The following SLC8A1 variants were observed in gnomAD, a reference collection of about 807,000 sequenced individuals.
The protein encoded by SLC8A1 is solute carrier family 8 member A1.
In SLC8A1, 18 loss-of-function variants were observed where a neutral mutation model predicts 68.3. The ratio of observed to expected loss-of-function variants is 0.26; its 90% CI spans 0.18 to 0.39. The LOEUF (loss-of-function observed/expected upper bound fraction) is 0.39. Among genes scored for constraint, SLC8A1 ranks in the 10% least tolerant of loss-of-function variants. The pLI, the probability that SLC8A1 is intolerant of heterozygous loss-of-function variation, is 1.00. For missense variants in SLC8A1, 985 were observed against 1,156.7 expected, an observed-to-expected ratio of 0.85 and a Z score of 2.15; for synonymous variants, 475 against 415.5, an observed-to-expected ratio of 1.14 and a Z score of -1.74.
intron 2 of SLC8A1, among the ~76,000 whole-genome samples, chr2:40,396,717 C>T (rs1281137664): frequency 7.7e-6 from 1 of 130,550 alleles, no homozygotes; most frequent in Non-Finnish European, 1.5e-5. Context: ...TGTTAAGCAG[C>T]ATCCTTTTAA....
intron 7 of SLC8A1, among the ~76,000 whole-genome samples, chr2:40,126,768 T>C (rs2148161856): frequency 6.6e-6 from 1 of 152,282 alleles, no homozygotes; most frequent in South Asian, 2.1e-4. Flanking sequence ...TTTAATTTTC[T>C]TCTCAGCAGT....
chr2:40,500,026 A>C (rs939613045), intron 1 of SLC8A1, among the ~76,000 whole-genome samples: 1 of 152,120 alleles, frequency 6.6e-6, no homozygotes, highest in Non-Finnish European at 1.5e-5. Context: ...TAGCAGCTAC[A>C]TTAGTGTGTT....
chr2:40,212,895 C>T (rs1321200566), intron 2 of SLC8A1, among the ~76,000 whole-genome samples: 1 of 151,992 alleles, frequency 6.6e-6, no homozygotes, highest in East Asian at 1.9e-4. Context: ...TTTAGGGCAA[C>T]AAAGCATGTG....
intron 6 of SLC8A1, among the ~76,000 whole-genome samples, chr2:40,144,814 A>G (rs1226489194): frequency 6.6e-6 from 1 of 152,172 alleles, no homozygotes; most frequent in African/African-American, 2.4e-5. Context: ...AAATTTTATC[A>G]TATGCATTTG....
At chr2:40,500,060 G>A (rs1220791946) in intron 1 of SLC8A1, among the ~76,000 whole-genome samples, 3 of 151,954 alleles carry the variant, frequency 2.0e-5, no homozygotes, top group Non-Finnish European at 4.4e-5. Flanking sequence ...TGTGGTTTGT[G>A]TACACATGTA....
In SLC8A1 at chr2:40,243,629, C is replaced by T. The variant is rs1049876758; in HGVS notation, c.1809-65774G>A. Among the ~76,000 whole-genome samples the T allele has an allele frequency of 3.9e-5, 6 of 152,190 alleles. No individual in the cohort carries two copies. The East Asian group carries it at 1.2e-3, about 29-fold the overall frequency. ...CAAATGGAGCCTATGGCCCTGTAAC[C>T]TGGCTCTGGGAAAATGAACAAAGGA... On this transcript the variant is annotated intron_variant, in intron 2 of 7. Transcript: ENST00000406785.
At chr2:40,494,324 G>T (rs1183294816) in intron 1 of SLC8A1, among the ~76,000 whole-genome samples, 2 of 152,064 alleles carry the variant, frequency 1.3e-5, no homozygotes, top group Admixed American at 6.5e-5. Flanking sequence ...ATGAGAGATT[G>T]CTCTTGAGAT....
intron 2 of SLC8A1, among the ~76,000 whole-genome samples, chr2:40,294,817 T>C (rs189962417): frequency 6.6e-6 from 1 of 152,340 alleles, no homozygotes; most frequent in African/African-American, 2.4e-5. Flanking sequence ...TTACTGTTCA[T>C]AATTTTGTTT....
chr2:40,352,810 C>T (rs924072529), intron 2 of SLC8A1, among the ~76,000 whole-genome samples: 19 of 152,250 alleles, frequency 1.2e-4, no homozygotes, highest in Admixed American at 9.8e-4. Context: ...CAGGATTCCA[C>T]GTTACTAAGG....
chr2:40,237,856 A>G (rs2060614182), intron 2 of SLC8A1, among the ~76,000 whole-genome samples: 1 of 152,002 alleles, frequency 6.6e-6, no homozygotes, highest in Non-Finnish European at 1.5e-5. Context: ...CTGTTGGAAT[A>G]CCCTGCCATG....
chr2:40,366,505 T>C (rs1443875808), intron 2 of SLC8A1, among the ~76,000 whole-genome samples: 2 of 152,052 alleles, frequency 1.3e-5, no homozygotes, highest in East Asian at 3.9e-4. Flanking sequence ...AGGTGTGAAA[T>C]AAATGCTAAT....
intron 2 of SLC8A1, among the ~76,000 whole-genome samples, chr2:40,347,129 A>G (rs11890040): frequency 0.13 from 19,231 of 152,186 alleles, 1,387 homozygotes; most frequent in East Asian, 0.19. Flanking sequence ...GCTTTGCTAC[A>G]TACTGGCTAT....
intron 7 of SLC8A1, among the ~76,000 whole-genome samples, chr2:40,136,766 G>T (rs2040569534): frequency 1.3e-5 from 2 of 152,108 alleles, no homozygotes; most frequent in African/African-American, 4.8e-5. Flanking sequence ...AATCAGCAGG[G>T]TCAAAAAATA....
At chr2:40,337,975 G>T (rs144898872) in intron 2 of SLC8A1, among the ~76,000 whole-genome samples, 105 of 152,282 alleles carry the variant, frequency 6.9e-4, no homozygotes, top group African/African-American at 2.5e-3. Context: ...GGCAGAGAGA[G>T]AGACAGCAAT....
chr2:40,116,449 G>A (rs1188874125), intron 7 of SLC8A1, among the ~76,000 whole-genome samples: 1 of 152,120 alleles, frequency 6.6e-6, no homozygotes, highest in Non-Finnish European at 1.5e-5. Flanking sequence ...ATCTCCCAGT[G>A]CTATCCCTCC....
chr2:40,319,740 T>C (rs2074957344), intron 2 of SLC8A1, among the ~76,000 whole-genome samples: 1 of 152,082 alleles, frequency 6.6e-6, no homozygotes, highest in African/African-American at 2.4e-5. Context: ...CTGCAAACAA[T>C]TCTTCCCCAG....
intron 2 of SLC8A1, among the ~76,000 whole-genome samples, chr2:40,281,270 G>T (rs13421048): frequency 0.073 from 11,057 of 152,146 alleles, 586 homozygotes; most frequent in African/African-American, 0.14. Context: ...GGTTGGGGGG[G>T]TGCTCTGAGA....
At chr2:40,339,411 C>A (rs1213657540) in intron 2 of SLC8A1, among the ~76,000 whole-genome samples, 2 of 152,164 alleles carry the variant, frequency 1.3e-5, no homozygotes, top group Non-Finnish European at 2.9e-5. Context: ...AATCCAGTTA[C>A]AGAGAAGTTG....
At chr2:40,325,777 CAAAAAAAAA>C (rs3059526) in intron 2 of SLC8A1, among the ~76,000 whole-genome samples, 21 of 45,006 alleles carry the variant, frequency 4.7e-4, no homozygotes, top group African/African-American at 1.6e-3. Context: ...ACTAAAAATA[CAAAAAAAAA>C]AAAAAAAAAA....
Sources: allele counts gnomAD v4.1 joint callset (sites outside exome capture counted in the v4.1 genomes callset), GRCh38; gene constraint gnomAD v4.1.1; transcripts MANE v1.5; gene names NCBI Gene and HGNC (gene_info 2026-07-23, HGNC 2026-07-21).